Variants in WWOX observed in about 807,000 individuals in gnomAD.
WWOX encodes the protein WW domain containing oxidoreductase.
Under a neutral mutation model 46.2 loss-of-function variants are expected in WWOX, and 69 were observed. The ratio of observed to expected loss-of-function variants is 1.49; its 90% CI spans 1.23 to 1.82. The LOEUF (loss-of-function observed/expected upper bound fraction) is 1.82, where lower values mean the gene tolerates loss of function less well. Ranked by LOEUF, WWOX falls within the 40% of genes most tolerant of loss-of-function variation. The pLI, the probability that WWOX is intolerant of heterozygous loss-of-function variation, is 0.00. For missense variants in WWOX, 919 were observed against 542.6 expected, an observed-to-expected ratio of 1.69 and a Z score of -6.89; for synonymous variants, 359 against 202.6, an observed-to-expected ratio of 1.77 and a Z score of -6.56.
intron 8 of WWOX, among the ~76,000 whole-genome samples, chr16:78,645,254 A>G (rs1324630323): frequency 6.6e-6 from 1 of 152,042 alleles, no homozygotes; most frequent in East Asian, 1.9e-4. Context: ...CTTAGTTGTC[A>G]GTATAAATGC....
At chr16:79,125,997 C>T (rs1000076896) in intron 8 of WWOX, among the ~76,000 whole-genome samples, 1 of 152,186 alleles carries the variant, frequency 6.6e-6, no homozygotes, top group Non-Finnish European at 1.5e-5. Flanking sequence ...TACATACATA[C>T]AGTAGGTGCT....
chr16:78,851,837 A>G (rs1350004648), intron 8 of WWOX, among the ~76,000 whole-genome samples: 3 of 152,256 alleles, frequency 2.0e-5, no homozygotes, highest in African/African-American at 2.4e-5. Context: ...TTTCACAAGT[A>G]ATGTATTTAT....
chr16:78,659,563 A>G (rs2047165163), intron 8 of WWOX, among the ~76,000 whole-genome samples: 1 of 152,294 alleles, frequency 6.6e-6, no homozygotes, highest in African/African-American at 2.4e-5. Flanking sequence ...CTTTCGAGAC[A>G]TCATTTGAAT....
chr16:78,998,623 A>G (rs1321536857), intron 8 of WWOX, among the ~76,000 whole-genome samples: 8 of 152,226 alleles, frequency 5.3e-5, no homozygotes, highest in Non-Finnish European at 1.2e-4. Flanking sequence ...AATAGGTGTA[A>G]TAGTAAAAAT....
At chr16:78,578,605 A>G (rs1228023980) in intron 8 of WWOX, among the ~76,000 whole-genome samples, 2 of 151,996 alleles carry the variant, frequency 1.3e-5, no homozygotes, top group Admixed American at 1.3e-4. Context: ...TATATTATAC[A>G]CACAAACATA....
chr16:78,424,829 A>G (rs2083037390), intron 6 of WWOX, 41 bp from the exon 7 acceptor site: 2 of 1,609,468 alleles, frequency 1.2e-6, no homozygotes, highest in Admixed American at 1.7e-5. Flanking sequence ...CCTTGGTTGT[A>G]GTGTTTATGT....
At chr16:79,162,688 C>T (rs2050510762) in intron 8 of WWOX, among the ~76,000 whole-genome samples, 1 of 152,160 alleles carries the variant, frequency 6.6e-6, no homozygotes, top group African/African-American at 2.4e-5. Context: ...TGCCAAGGTC[C>T]TGTGTTCACC....
intron 8 of WWOX, among the ~76,000 whole-genome samples, chr16:78,609,992 C>T (rs778883754): frequency 2.5e-5 from 3 of 121,610 alleles, no homozygotes; most frequent in Non-Finnish European, 4.7e-5. Flanking sequence ...GTAACAGTGA[C>T]GCAAACGACC....
chr16:78,982,307 C>T lies in WWOX; in HGVS notation c.1057-229301C>T, dbSNP rs141070651. On this transcript the variant is annotated intron_variant, in intron 8 of 8. Coordinates refer to ENST00000566780, the MANE Select transcript of WWOX (RefSeq NM_016373.4). ...TTGACTTTGAAAGCGTGATTTTGAGCAATCATCTGGGGAAAAAAATACCTC... is the reference window on the plus strand; with the variant it reads ...TTGACTTTGAAAGCGTGATTTTGAGTAATCATCTGGGGAAAAAAATACCTC... Among the ~76,000 whole-genome samples the T allele has an allele frequency of 8.7e-4, 132 of 152,230 alleles. 1 individual carries two copies. The highest frequency in any genetic ancestry group is 3.1e-3 in the African/African-American group (128 of 41,544).
intron 8 of WWOX, among the ~76,000 whole-genome samples, chr16:79,020,094 G>C (rs1212708976): frequency 6.6e-6 from 1 of 152,190 alleles, no homozygotes; most frequent in Non-Finnish European, 1.5e-5. Context: ...ATAGTCACTG[G>C]ACAATTGATG....
chr16:78,741,728 C>T (rs1407912389), intron 8 of WWOX, among the ~76,000 whole-genome samples: 12 of 149,776 alleles, frequency 8.0e-5, no homozygotes, highest in African/African-American at 3.0e-4. Context: ...GGGGCGGGTG[C>T]TCTGTAGTCT....
intron 8 of WWOX, among the ~76,000 whole-genome samples, chr16:78,693,896 A>G (rs2550666): frequency 1 from 151,815 of 152,246 alleles, 75,694 homozygotes; most frequent in Middle Eastern, 1. Flanking sequence ...TCTCAGAGTT[A>G]AGCAGACTCG....
chr16:78,547,142 A>AAAAAC (rs2044056152), intron 8 of WWOX, among the ~76,000 whole-genome samples: 1 of 43,738 alleles, frequency 2.3e-5, no homozygotes, highest in South Asian at 8.6e-4. Context: ...AAAAAAAAAA[A>AAAAAC]AAAAAAAAAA....
chr16:79,038,397 A>C (rs1194758979), intron 8 of WWOX, among the ~76,000 whole-genome samples: 3 of 152,204 alleles, frequency 2.0e-5, no homozygotes, highest in Non-Finnish European at 4.4e-5. Context: ...TGTGAGTCTA[A>C]TTATGGAAAA....
intron 8 of WWOX, among the ~76,000 whole-genome samples, chr16:78,544,848 A>G (rs763988746): frequency 6.6e-6 from 1 of 152,260 alleles, no homozygotes; most frequent in Non-Finnish European, 1.5e-5. Context: ...GCACTCTAGC[A>G]TGCGTGACAG....
chr16:78,590,704 C>T (rs770863917), intron 8 of WWOX, among the ~76,000 whole-genome samples: 6 of 152,186 alleles, frequency 3.9e-5, no homozygotes, highest in Non-Finnish European at 5.9e-5. Flanking sequence ...GAAGGCACAT[C>T]TCTACGTTGT....
At chr16:78,622,510 C>G (rs766693185) in intron 8 of WWOX, among the ~76,000 whole-genome samples, 6 of 150,864 alleles carry the variant, frequency 4.0e-5, no homozygotes, top group East Asian at 3.9e-4. Context: ...CCACTGTACT[C>G]CAGCCTGGGT....
At chr16:78,746,630 A>T (rs2049353662) in intron 8 of WWOX, among the ~76,000 whole-genome samples, 1 of 151,562 alleles carries the variant, frequency 6.6e-6, no homozygotes, top group Admixed American at 6.6e-5. Flanking sequence ...AGTCAACATG[A>T]TGTGAGCAGA....
chr16:78,718,760 A>G lies in WWOX; in HGVS notation c.1056+286008A>G, dbSNP rs1032297830. ...TGAAGGATGTTTTTTTAAAAGAAGT[A>G]TTCATTTAGGTGACACATATTTATT... On this transcript the variant is annotated intron_variant, in intron 8 of 8. Coordinates refer to ENST00000566780, the MANE Select transcript of WWOX (RefSeq NM_016373.4). Among the ~76,000 whole-genome samples, 8 of 152,218 alleles carry G rather than the reference A, an allele frequency of 5.3e-5. No homozygotes were observed. In the South Asian group the frequency reaches 1.7e-3, roughly 32 times the overall value.
Sources: allele counts gnomAD v4.1 joint callset (sites outside exome capture counted in the v4.1 genomes callset), GRCh38; gene constraint gnomAD v4.1.1; transcripts MANE v1.5; gene names NCBI Gene and HGNC (gene_info 2026-07-23, HGNC 2026-07-21).